The following CAV1 variants were observed in gnomAD, a reference collection of about 807,000 sequenced individuals.
The protein encoded by CAV1 is caveolin-1.
Under a neutral mutation model 16.5 loss-of-function variants are expected in CAV1, and 10 were observed. The observed-to-expected ratio is 0.61, with a 90% CI of 0.37 to 1.03. The LOEUF (loss-of-function observed/expected upper bound fraction) is 1.03. CAV1 is among the 50% of genes least tolerant of loss of function. CAV1 has a pLI of 0.01. For synonymous variants in CAV1, 76 were observed against 85.1 expected, an observed-to-expected ratio of 0.89 and a Z score of 0.59; for missense variants, 212 against 232.8, an observed-to-expected ratio of 0.91 and a Z score of 0.58.
Position 116,539,976 on chromosome 7 carries a change from G to A in CAV1, c.195+13287G>A, listed in dbSNP as rs1180051277. Among the ~76,000 whole-genome samples, 5 of 152,274 alleles carry A rather than the reference G, an allele frequency of 3.3e-5. No homozygotes were observed. The South Asian group carries it at 8.3e-4, about 25-fold the overall frequency. On this transcript the variant is annotated intron_variant, in intron 2 of 2. Coordinates refer to ENST00000341049, the MANE Select transcript of CAV1 (RefSeq NM_001753.5). ...TATCCCCGCACTATGGCAAGATTGAGAGGAATGACTAGATCAGGGAATGGC... is the reference window on the plus strand; with the variant it reads ...TATCCCCGCACTATGGCAAGATTGAAAGGAATGACTAGATCAGGGAATGGC...
Position 116,559,389 on chromosome 7 carries a change from T to A in CAV1, c.*102T>A, listed in dbSNP as rs1048721600. 7.9e-6 allele frequency: 6 copies of A among 760,282 alleles called. No individual in the cohort carries two copies. The highest frequency in any genetic ancestry group is 1.7e-5 in the African/African-American group (1 of 57,700). The allele number at this position is 760,282 out of a possible 1,614,324, so 47.1% of individuals were successfully genotyped here. ...TGCTAATACAGCAACAATTTATGAATTGAATTATCTTGGTTGAAAATAAAA... is the reference window on the plus strand; with the variant it reads ...TGCTAATACAGCAACAATTTATGAAATGAATTATCTTGGTTGAAAATAAAA... On this transcript the variant is annotated 3_prime_UTR_variant, in exon 3 of 3. Transcript: ENST00000341049.
rs555937233 is a variant in CAV1 at position 116,531,448 on chromosome 7, A to G, written c.195+4759A>G. 3.3e-5 allele frequency among the ~76,000 whole-genome samples: 5 copies of G among 152,372 alleles called. No individual in the cohort carries two copies. The South Asian group carries it at 1.0e-3, about 32-fold the overall frequency. On this transcript the variant is annotated intron_variant, in intron 2 of 2. Coordinates refer to ENST00000341049, the MANE Select transcript of CAV1 (RefSeq NM_001753.5). ...GGTGATAATCAGATCAGTTTTGGTTATAGTACAAAGGTTTAATGCCTCCGT... is the reference window on the plus strand; with the variant it reads ...GGTGATAATCAGATCAGTTTTGGTTGTAGTACAAAGGTTTAATGCCTCCGT...
intron 2 of CAV1, among the ~76,000 whole-genome samples, chr7:116,539,740 G>A (rs1793899083): frequency 6.6e-6 from 1 of 152,100 alleles, no homozygotes; most frequent in Admixed American, 6.6e-5. Context: ...GTGGCATCCA[G>A]ATGATCTCCT....
chr7:116,551,663 T>C (rs946958259), intron 2 of CAV1, among the ~76,000 whole-genome samples: 5 of 152,142 alleles, frequency 3.3e-5, no homozygotes, highest in African/African-American at 4.8e-5. Context: ...ACCCCCAAAA[T>C]TGAGTCGCTT....
intron 2 of CAV1, among the ~76,000 whole-genome samples, chr7:116,543,848 C>G (rs550355996): frequency 3.9e-5 from 6 of 152,128 alleles, no homozygotes; most frequent in Non-Finnish European, 7.4e-5. Flanking sequence ...TTTTTAACAG[C>G]CCATCTGTGA....
At chr7:116,526,368 G>A in intron 1 of CAV1, 157 bp from the exon 2 acceptor site, 2 of 1,507,786 alleles carry the variant, frequency 1.3e-6, no homozygotes, top group East Asian at 2.5e-5. Context: ...TTCTGTGCAC[G>A]GAGCCGTAGC....
At chr7:116,525,304 C>T in intron 1 of CAV1, 3 of 1,553,630 alleles carry the variant, frequency 1.9e-6, no homozygotes, top group East Asian at 2.4e-5. Context: ...GAGAGGGGGC[C>T]TAGGGAGCCC....
chr7:116,530,235 G>A (rs970061812), intron 2 of CAV1, among the ~76,000 whole-genome samples: 27 of 82,168 alleles, frequency 3.3e-4, no homozygotes, highest in Non-Finnish European at 6.8e-4. Flanking sequence ...TTGACTGCCA[G>A]GAAGCAGTTT....
chr7:116,525,112 C>A lies in CAV1; in HGVS notation c.30+20C>A, dbSNP rs34592877. ...TCGGAGGTAGGCATCCGTGGGGGGG[C>A]GCCGGCTCGGGCGTGCGGGGAGTGT... On this transcript the variant is annotated intron_variant, in intron 1 of 2. Coordinates refer to ENST00000341049, the MANE Select transcript of CAV1 (RefSeq NM_001753.5). 1 of 1,613,752 alleles carries A rather than the reference C, an allele frequency of 6.2e-7. No individual in the cohort carries two copies. Among genetic ancestry groups the A allele is most frequent in the African/African-American group, 1.3e-5 (1 of 74,670 alleles).
chr7:116,536,932 A>G (rs889495838), intron 2 of CAV1, among the ~76,000 whole-genome samples: 1 of 144,536 alleles, frequency 6.9e-6, no homozygotes, highest in African/African-American at 2.5e-5. Context: ...GAACCCAGGA[A>G]GCGGAGCTTG....
chr7:116,558,057 A>G (rs1794328653), intron 2 of CAV1, among the ~76,000 whole-genome samples: 1 of 152,060 alleles, frequency 6.6e-6, no homozygotes, highest in African/African-American at 2.4e-5. Context: ...TCTCCAAATC[A>G]GCCAATTGCC....
intron 2 of CAV1, among the ~76,000 whole-genome samples, chr7:116,536,483 C>T (rs934930675): frequency 6.6e-6 from 1 of 152,156 alleles, no homozygotes; most frequent in African/African-American, 2.4e-5. Flanking sequence ...TCAGCAGTCT[C>T]CAAAGCCGAA....
intron 2 of CAV1, among the ~76,000 whole-genome samples, chr7:116,531,179 T>C (rs2115955651): frequency 6.6e-6 from 1 of 152,318 alleles, no homozygotes; most frequent in South Asian, 2.1e-4. Context: ...AGTGAATATT[T>C]TGAAATGTAT....
intron 2 of CAV1, among the ~76,000 whole-genome samples, chr7:116,527,646 A>G (rs1793595144): frequency 1.3e-5 from 2 of 152,192 alleles, no homozygotes; most frequent in South Asian, 2.1e-4. Context: ...TCCTTGGCAA[A>G]GGGTTTTCTC....
chr7:116,556,336 G>T (rs372155698), intron 2 of CAV1, among the ~76,000 whole-genome samples: 34 of 152,306 alleles, frequency 2.2e-4, no homozygotes, highest in African/African-American at 7.7e-4. Context: ...GCAGTTACCA[G>T]AGGGTTAAAT....
rs188120086 is a variant in CAV1 at position 116,546,364 on chromosome 7, G to A, written c.196-12582G>A. Among the ~76,000 whole-genome samples the A allele has an allele frequency of 7.2e-5, 11 of 152,166 alleles. No individual in the cohort carries two copies. In the East Asian group the frequency reaches 1.2e-3, roughly 16 times the overall value. On this transcript the variant is annotated intron_variant, in intron 2 of 2. Coordinates refer to ENST00000341049, the MANE Select transcript of CAV1 (RefSeq NM_001753.5). ...CTCACAGCCAGCTGGTCTGCAGTGC[G>A]GTTTTAGATTCCGATGTGGGAACCC... is the stretch of plus-strand genomic sequence containing the variant.
intron 2 of CAV1, among the ~76,000 whole-genome samples, chr7:116,545,125 T>C (rs1794014663): frequency 6.6e-6 from 1 of 152,214 alleles, no homozygotes; most frequent in Admixed American, 6.5e-5. Flanking sequence ...TCTAGAGTGG[T>C]AGTTCTCAGT....
At chr7:116,526,329 T>C (rs565942540) in intron 1 of CAV1, 196 bp from the exon 2 acceptor site, 5 of 1,453,642 alleles carry the variant, frequency 3.4e-6, no homozygotes, top group Middle Eastern at 2.5e-4. Flanking sequence ...TGCGAGATCC[T>C]CTTAAAAAGC....
At chr7:116,555,605 AG>A (rs1562838752) in intron 2 of CAV1, among the ~76,000 whole-genome samples, 2 of 87,356 alleles carry the variant, frequency 2.3e-5, no homozygotes, top group African/African-American at 1.0e-4. Context: ...AGAAAGAAAG[AG>A]AAAGAAAGAA....
Sources: allele counts gnomAD v4.1 joint callset (sites outside exome capture counted in the v4.1 genomes callset), GRCh38; gene constraint gnomAD v4.1.1; transcripts MANE v1.5; gene names NCBI Gene and HGNC (gene_info 2026-07-23, HGNC 2026-07-21).